DAPK1: variants seen among roughly 807,000 people sequenced by gnomAD.
The protein encoded by DAPK1 is death-associated protein kinase 1.
Under a neutral mutation model 144.9 loss-of-function variants are expected in DAPK1, and 56 were observed. That is an observed-to-expected ratio of 0.39 (90% CI 0.31 to 0.48). DAPK1 has a LOEUF of 0.48. Ranked by LOEUF, DAPK1 falls within the 20% of genes least tolerant of loss-of-function variation. DAPK1 has a pLI of 0.95. For missense variants in DAPK1, 1,454 were observed against 1,875.4 expected, an observed-to-expected ratio of 0.78 and a Z score of 4.15; for synonymous variants, 690 against 749.0, an observed-to-expected ratio of 0.92 and a Z score of 1.29.
chr9:87,556,214 G>A (rs1003068389), intron 2 of DAPK1, among the ~76,000 whole-genome samples: 6 of 152,204 alleles, frequency 3.9e-5, no homozygotes, highest in Non-Finnish European at 4.4e-5. Flanking sequence ...GGCTGGCATT[G>A]TTCTAAGTGC....
Position 87,683,746 on chromosome 9 carries a change from A to G in DAPK1, c.2224+2120A>G, listed in dbSNP as rs1234484635. ...GGGTGACCCTTTTTCTGCACGCCCC[A>G]CCATGGGGGGAGCATCTTTAGCCAG... is the stretch of plus-strand genomic sequence containing the variant. On this transcript the variant is annotated intron_variant, in intron 20 of 25. Coordinates refer to ENST00000408954, the MANE Select transcript of DAPK1 (RefSeq NM_004938.4). Among the ~76,000 whole-genome samples, 4 of 152,054 alleles carry G rather than the reference A, an allele frequency of 2.6e-5. No homozygotes were observed. In the East Asian group the frequency reaches 7.8e-4, roughly 29 times the overall value.
rs183366274 is a variant in DAPK1, at chr9:87,587,867, A to C, written c.63-17087A>C. Among the ~76,000 whole-genome samples, 17 of 152,364 alleles carry C rather than the reference A, an allele frequency of 1.1e-4. No individual in the cohort carries two copies. In the East Asian group the frequency reaches 3.3e-3, roughly 29 times the overall value. On this transcript the variant is annotated intron_variant, in intron 2 of 25. Transcript: ENST00000408954. ...ATTTTCCCCAATAGAACAATGTATG[A>C]GCTTTGGCACATGCCTAAAAGATGC...
At chr9:87,559,485 T>C (rs1202609888) in intron 2 of DAPK1, among the ~76,000 whole-genome samples, 4 of 152,162 alleles carry the variant, frequency 2.6e-5, no homozygotes, top group Non-Finnish European at 5.9e-5. Context: ...AAAAGGTAAA[T>C]TTTTAATATT....
chr9:87,707,708 A>AC lies in DAPK1; in HGVS notation c.*345dup, dbSNP rs1416589318. On this transcript the variant is annotated 3_prime_UTR_variant, in exon 26 of 26. Transcript: ENST00000408954. This position sits in a 1 kb window ranked among gnomAD's most constrained non-coding sequence, Gnocchi z 4.0. ...TGCTGGAATTCCTAACTTTTCAATGACATTTTTTTTAACTACTATATTGAT... is the reference window on the plus strand; with the variant it reads ...TGCTGGAATTCCTAACTTTTCAATGACCATTTTTTTTAACTACTATATTGAT... 2.3e-6 allele frequency: 1 copy of AC among 426,454 alleles called. No individual in the cohort carries two copies. Among genetic ancestry groups the AC allele is most frequent in the Non-Finnish European group, 4.4e-6 (1 of 227,928 alleles). The allele number at this position is 426,454 out of a possible 1,614,324, so 26.4% of individuals were successfully genotyped here. A position where few individuals can be genotyped will look rare whatever the true frequency, so the allele number is the denominator to read the frequency against.
At chr9:87,638,228 A>G in intron 4 of DAPK1, 147 bp downstream of exon 4, 1 of 827,976 alleles carries the variant, frequency 1.2e-6, no homozygotes, top group Non-Finnish European at 1.8e-6. Context: ...TAAATCGGCA[A>G]GCATAGGATA....
intron 13 of DAPK1, 73 bp downstream of exon 13, chr9:87,646,632 G>A: frequency 8.1e-7 from 1 of 1,229,474 alleles, no homozygotes; most frequent in African/African-American, 1.5e-5. Context: ...AGGGGTAACA[G>A]AGGAAAAAAA....
intron 2 of DAPK1, among the ~76,000 whole-genome samples, chr9:87,565,977 G>A (rs1827105337): frequency 6.6e-6 from 1 of 151,790 alleles, no homozygotes; most frequent in South Asian, 2.1e-4. Flanking sequence ...GCATTTAGTG[G>A]CAGTGCTGAG....
chr9:87,630,439 G>C (rs945912585), intron 3 of DAPK1, among the ~76,000 whole-genome samples: 2 of 152,144 alleles, frequency 1.3e-5, no homozygotes, highest in African/African-American at 4.8e-5. Flanking sequence ...CCTCCAGGCA[G>C]TGACTCAGGG....
At chr9:87,645,199 T>C (rs188192289) in intron 11 of DAPK1, among the ~76,000 whole-genome samples, 1 of 152,348 alleles carries the variant, frequency 6.6e-6, no homozygotes, top group African/African-American at 2.4e-5. Context: ...TTAATGTGAA[T>C]TTTGAAAGAG....
intron 2 of DAPK1, among the ~76,000 whole-genome samples, chr9:87,571,648 A>G (rs922935831): frequency 2.0e-5 from 3 of 152,198 alleles, no homozygotes; most frequent in Admixed American, 6.5e-5. Context: ...GCGGCTGCCC[A>G]TCCGTCTGCC....
At chr9:87,538,122 A>G (rs1369905532) in intron 2 of DAPK1, among the ~76,000 whole-genome samples, 1 of 152,224 alleles carries the variant, frequency 6.6e-6, no homozygotes, top group Non-Finnish European at 1.5e-5. Flanking sequence ...CACCAAGACA[A>G]TAGTTGTGGA....
chr9:87,661,776 G>A (rs1016816337), intron 18 of DAPK1, among the ~76,000 whole-genome samples: 4 of 152,298 alleles, frequency 2.6e-5, no homozygotes, highest in African/African-American at 9.6e-5. Flanking sequence ...CATTCTGCAA[G>A]TTGTCTGTTC....
At chr9:87,562,754 C>A (rs972240438) in intron 2 of DAPK1, among the ~76,000 whole-genome samples, 5 of 152,188 alleles carry the variant, frequency 3.3e-5, no homozygotes, top group Non-Finnish European at 5.9e-5. Context: ...AATAAATAAA[C>A]CTTGCCAAGT....
intron 21 of DAPK1, among the ~76,000 whole-genome samples, chr9:87,688,475 T>TCAAACAGTTTTTTTTAAA (rs1824945111): frequency 6.6e-6 from 1 of 152,216 alleles, no homozygotes; most frequent in Non-Finnish European, 1.5e-5. Flanking sequence ...GATTGCTGGG[T>TCAAACAGTTTTTTTTAAA]CAAACAGTAG....
At chr9:87,625,851 G>A (rs1829471972) in intron 3 of DAPK1, among the ~76,000 whole-genome samples, 1 of 152,140 alleles carries the variant, frequency 6.6e-6, no homozygotes, top group Non-Finnish European at 1.5e-5. Flanking sequence ...AAGTTAGAAG[G>A]CAAATAACAG....
chr9:87,707,041 G>T lies in DAPK1; in HGVS notation c.3970G>T (p.Gly1324Trp). 6.2e-7 allele frequency: 1 copy of T among 1,613,850 alleles called. No homozygotes were observed. Among genetic ancestry groups the T allele is most frequent in the Non-Finnish European group, 8.5e-7 (1 of 1,179,916 alleles). The change falls in exon 26 of 26, where the codon GGG (glycine) becomes TGG (tryptophan). Residue 1324 changes from glycine to tryptophan, a missense_variant. Coordinates refer to ENST00000408954, the MANE Select transcript of DAPK1 (RefSeq NM_004938.4). The surrounding 1 kb of genome is among the most constrained non-coding windows in gnomAD (Gnocchi z 4.0). ...SRLLDPPDPL[G>W]KDWCLLAMNL... ...CCTGCTGGACCCGCCCGACCCCCTG[G>T]GGAAGGACTGGTGCCTTCTCGCCAT...
chr9:87,553,302 C>G (rs756073189), intron 2 of DAPK1, among the ~76,000 whole-genome samples: 3 of 151,942 alleles, frequency 2.0e-5, no homozygotes, highest in Non-Finnish European at 4.4e-5. Flanking sequence ...TCTGCCTTTG[C>G]CATCATCCTG....
intron 23 of DAPK1, 32 bp downstream of exon 23, chr9:87,698,826 G>C: frequency 6.9e-7 from 1 of 1,440,870 alleles, no homozygotes; most frequent in East Asian, 2.3e-5. Flanking sequence ...TCCAGCTCAC[G>C]GGTAGCCTCC....
chr9:87,559,139 C>G (rs370415251), intron 2 of DAPK1, among the ~76,000 whole-genome samples: 3 of 152,296 alleles, frequency 2.0e-5, no homozygotes, highest in East Asian at 3.9e-4. Context: ...CGTGTATTAT[C>G]TAATTTAATC....
Sources: gnomAD v4.1 joint callset for allele counts (sites outside exome capture counted in the v4.1 genomes callset) on GRCh38, gnomAD v4.1.1 for gene constraint, Gnocchi (gnomAD v3.1) non-coding constraint, MANE v1.5 for transcripts, NCBI Gene and HGNC (gene_info 2026-07-23, HGNC 2026-07-21) for gene names.